The following HCFC2 variants were observed in gnomAD, a reference collection of about 807,000 sequenced individuals.
HCFC2 encodes the protein host cell factor 2.
In HCFC2, 18 loss-of-function variants were observed where a neutral mutation model predicts 89.2. That is an observed-to-expected ratio of 0.20 (90% CI 0.14 to 0.30). The LOEUF (loss-of-function observed/expected upper bound fraction) is 0.30, where lower values mean the gene tolerates loss of function less well. HCFC2 is among the 10% of genes least tolerant of loss of function. The probability of loss-of-function intolerance (pLI) is 1.00; values close to 1 mark genes in which losing one functional copy is unlikely to be tolerated. For missense variants in HCFC2, 578 were observed against 956.1 expected, an observed-to-expected ratio of 0.60 and a Z score of 5.21; for synonymous variants, 308 against 335.7, an observed-to-expected ratio of 0.92 and a Z score of 0.90.
At chr12:104,077,160 C>T (rs1593596043) in intron 3 of HCFC2, among the ~76,000 whole-genome samples, 2 of 151,534 alleles carry the variant, frequency 1.3e-5, no homozygotes, top group South Asian at 2.1e-4. Flanking sequence ...GTGTACTAAA[C>T]TTTTTAAGTT....
intron 7 of HCFC2, among the ~76,000 whole-genome samples, chr12:104,086,085 C>T (rs1883832764): frequency 6.6e-6 from 1 of 151,156 alleles, no homozygotes; most frequent in Non-Finnish European, 1.5e-5. Flanking sequence ...GCAACCTCCA[C>T]CTCCCAGATT....
intron 1 of HCFC2, among the ~76,000 whole-genome samples, chr12:104,065,813 C>G (rs1235703377): frequency 6.6e-6 from 1 of 152,120 alleles, no homozygotes; most frequent in Non-Finnish European, 1.5e-5. Context: ...GATTTTTATA[C>G]TCACCCAGCA....
intron 7 of HCFC2, among the ~76,000 whole-genome samples, chr12:104,085,313 T>C (rs1380597621): frequency 6.6e-6 from 1 of 152,182 alleles, no homozygotes; most frequent in Non-Finnish European, 1.5e-5. Flanking sequence ...GTAAATGCTT[T>C]CTGTGGAAGA....
Position 104,086,899 on chromosome 12 carries a change from C to G in HCFC2, c.1116C>G (p.Ser372=). The G allele has an allele frequency of 6.2e-7, 1 of 1,613,970 alleles. No individual in the cohort carries two copies. The highest frequency in any genetic ancestry group is 8.5e-7 in the Non-Finnish European group (1 of 1,179,910). Residue 372 remains serine, a synonymous_variant, in exon 8 of 15, where the codon TCC becomes TCG. Coordinates refer to ENST00000229330, the MANE Select transcript of HCFC2 (RefSeq NM_013320.3). ...QVQLIKATTN[S]FHVKWDEVST... Reference sequence around the variant, plus strand: ...AGCTGATCAAAGCCACTACCAACTCCTTTCATGTCAAGTGGGATGAAGTGT... The same window carrying G: ...AGCTGATCAAAGCCACTACCAACTCGTTTCATGTCAAGTGGGATGAAGTGT...
intron 4 of HCFC2, among the ~76,000 whole-genome samples, chr12:104,080,275 C>A (rs1000538136): frequency 1.3e-5 from 2 of 152,146 alleles, no homozygotes; most frequent in African/African-American, 2.4e-5. Context: ...TAGGACCTCC[C>A]CTAATACCAA....
At chr12:104,079,773 A>G (rs954517302) in intron 4 of HCFC2, 120 bp downstream of exon 4, 59 of 740,512 alleles carry the variant, frequency 8.0e-5, no homozygotes, top group Non-Finnish European at 1.2e-4. Context: ...TTGTAGCCCC[A>G]GGGACAGTGT....
chr12:104,093,676 A>C (rs1001118234), intron 10 of HCFC2, 113 bp downstream of exon 10: 3 of 858,390 alleles, frequency 3.5e-6, no homozygotes, highest in Non-Finnish European at 3.6e-6. Context: ...ATAGCAAAAA[A>C]CTGCCATATT....
chr12:104,074,719 A>G (rs1488971897), intron 3 of HCFC2, among the ~76,000 whole-genome samples: 2 of 152,056 alleles, frequency 1.3e-5, no homozygotes, highest in African/African-American at 4.8e-5. Context: ...TATAATACCT[A>G]TATTTATTAG....
At chr12:104,085,889 A>G (rs1224530986) in intron 7 of HCFC2, among the ~76,000 whole-genome samples, 5 of 150,090 alleles carry the variant, frequency 3.3e-5, no homozygotes, top group African/African-American at 1.2e-4. Flanking sequence ...CCATATCTCT[A>G]TATCACATGC....
rs376922435 is a variant in HCFC2, at chr12:104,069,525, T to TA, written c.473+1433dup. Among the ~76,000 whole-genome samples, 967 of 140,438 alleles carry TA rather than the reference T, an allele frequency of 6.9e-3. 8 individuals are homozygous for TA. Among genetic ancestry groups the TA allele is most frequent in the African/African-American group, 0.021 (807 of 38,242 alleles). The allele number at this position is 140,438 out of a possible 152,430, so 92.1% of individuals were successfully genotyped here. On this transcript the variant is annotated intron_variant, in intron 3 of 14. Transcript: ENST00000229330. ...TTTCTATATGTTTTACCTTTTTTGTTAAAAAAAAAAAAAAAGATTTCACAT... is the reference window on the plus strand; with the variant it reads ...TTTCTATATGTTTTACCTTTTTTGTTAAAAAAAAAAAAAAAAGATTTCACAT...
intron 9 of HCFC2, among the ~76,000 whole-genome samples, chr12:104,089,058 C>T (rs2136618380): frequency 6.6e-6 from 1 of 152,268 alleles, no homozygotes; most frequent in East Asian, 1.9e-4. Flanking sequence ...CCACAGTCCC[C>T]TCGATATTCA....
In HCFC2 at chr12:104,102,163, C is replaced by T. The variant is rs367885026; in HGVS notation, c.2064+10C>T. On this transcript the variant is annotated intron_variant, in intron 14 of 14. Transcript: ENST00000229330. ...AGTCAGAATTTCAAAGGTGAGACAT[C>T]GGGTCAAGACTTGTTGGTGATTTTA... The T allele has an allele frequency of 2.2e-5, 35 of 1,605,898 alleles. No individual in the cohort carries two copies. Among genetic ancestry groups the T allele is most frequent in the Non-Finnish European group, 2.2e-5 (26 of 1,174,494 alleles).
At position 104,095,641 on chromosome 12, in the gene HCFC2, G is replaced by A. The variant is rs1226559157; in HGVS notation, c.1666+78G>A. The stretch of plus-strand genomic sequence containing the variant: ...CATCAAACTTACTTGTCTTAGATGG[G>A]AGTTGCATTTCATCTTGGAATTTTG... On this transcript the variant is annotated intron_variant, in intron 11 of 14. Transcript: ENST00000229330. The surrounding 1 kb of genome is among the most constrained non-coding windows in gnomAD (Gnocchi z 4.2). The A allele has an allele frequency of 4.6e-6, 5 of 1,098,400 alleles. No individual in the cohort carries two copies. Among genetic ancestry groups the A allele is most frequent in the Non-Finnish European group, 6.5e-6 (5 of 763,472 alleles). The allele number at this position is 1,098,400 out of a possible 1,614,324, so 68.0% of individuals were successfully genotyped here.
Position 104,095,237 on chromosome 12 carries a change from A to G in HCFC2, c.1463-123A>G, listed in dbSNP as rs1884139679. 1 of 702,480 alleles carries G rather than the reference A, an allele frequency of 1.4e-6. No homozygotes were observed. Among genetic ancestry groups the G allele is most frequent in the African/African-American group, 1.8e-5 (1 of 55,784 alleles). The allele number at this position is 702,480 out of a possible 1,614,324, so 43.5% of individuals were successfully genotyped here. On this transcript the variant is annotated intron_variant, in intron 10 of 14. Coordinates refer to ENST00000229330, the MANE Select transcript of HCFC2 (RefSeq NM_013320.3). The surrounding 1 kb of genome is among the most constrained non-coding windows in gnomAD (Gnocchi z 4.2). Reference sequence around the variant, plus strand: ...CTAATGGATAATTCATACTAATACCATTTGTGGTGCTCATGTATGATTTTA... The same window carrying G: ...CTAATGGATAATTCATACTAATACCGTTTGTGGTGCTCATGTATGATTTTA...
intron 9 of HCFC2, among the ~76,000 whole-genome samples, chr12:104,088,467 A>G (rs1389756618): frequency 6.6e-6 from 1 of 152,210 alleles, no homozygotes; most frequent in East Asian, 1.9e-4. Context: ...TTTACTGTGT[A>G]TTTTGTTTAC....
intron 7 of HCFC2, among the ~76,000 whole-genome samples, chr12:104,085,407 C>G (rs1883805523): frequency 6.6e-6 from 1 of 152,054 alleles, no homozygotes; most frequent in African/African-American, 2.4e-5. Context: ...TAACTAAAGT[C>G]TAAGGATAAG....
rs375199545 is a variant in HCFC2, at chr12:104,102,102, A to G, written c.2013A>G (p.Lys671=). The part of the protein sequence containing the change: ...IGPFSKISEF[K]TCIPGFPGAP... The stretch of plus-strand genomic sequence containing the variant: ...CTTTCAGCAAAATCAGTGAATTTAA[A>G]ACTTGTATTCCTGGTTTTCCTGGAG... The change falls in exon 14 of 15, where the codon AAA becomes AAG. Residue 671 remains lysine, a synonymous_variant. Transcript: ENST00000229330. The G allele has an allele frequency of 4.3e-6, 7 of 1,613,828 alleles. No individual in the cohort carries two copies. In the African/African-American group the frequency reaches 9.3e-5, roughly 22 times the overall value.
chr12:104,098,724 G>A (rs1163005521), intron 13 of HCFC2, among the ~76,000 whole-genome samples: 12 of 152,222 alleles, frequency 7.9e-5, no homozygotes, highest in African/African-American at 2.9e-4. Context: ...AGACTGGCCG[G>A]GCGCAGTGGC....
At chr12:104,098,246 A>C in intron 12 of HCFC2, 97 bp from the exon 13 acceptor site, 1 of 898,964 alleles carries the variant, frequency 1.1e-6, no homozygotes, top group South Asian at 1.9e-5. Context: ...GTTTATCCAA[A>C]TACCTACTTG....
Sources: gnomAD v4.1 joint callset for allele counts (sites outside exome capture counted in the v4.1 genomes callset) on GRCh38, gnomAD v4.1.1 for gene constraint, Gnocchi (gnomAD v3.1) non-coding constraint, MANE v1.5 for transcripts, NCBI Gene and HGNC (gene_info 2026-07-23, HGNC 2026-07-21) for gene names.